TBC1D5: variants seen among roughly 807,000 people sequenced by gnomAD.
The protein encoded by TBC1D5 is TBC1 domain family member 5.
Under a neutral mutation model 100.3 loss-of-function variants are expected in TBC1D5, and 75 were observed. That is an observed-to-expected ratio of 0.75 (90% CI 0.62 to 0.91). TBC1D5 has a LOEUF of 0.91. Among genes scored for constraint, TBC1D5 ranks in the 40% least tolerant of loss-of-function variants. The probability of loss-of-function intolerance (pLI) is 0.00; values close to 1 mark genes in which losing one functional copy is unlikely to be tolerated. For missense variants in TBC1D5, 910 were observed against 942.4 expected, an observed-to-expected ratio of 0.97 and a Z score of 0.45; for synonymous variants, 323 against 325.6, an observed-to-expected ratio of 0.99 and a Z score of 0.09.
chr3:17,650,064 G>T (rs1461981365), intron 1 of TBC1D5, among the ~76,000 whole-genome samples: 2 of 151,898 alleles, frequency 1.3e-5, no homozygotes, highest in Non-Finnish European at 2.9e-5. Context: ...AATACCACAT[G>T]TTCTCACTCA....
intron 1 of TBC1D5, among the ~76,000 whole-genome samples, chr3:17,638,880 G>T (rs189325872): frequency 1.2e-4 from 19 of 152,108 alleles, no homozygotes; most frequent in Admixed American, 9.8e-4. Context: ...TACTGACAAG[G>T]ATGTAAAAAT....
intron 19 of TBC1D5, among the ~76,000 whole-genome samples, chr3:17,184,131 T>C (rs2068745083): frequency 6.6e-6 from 1 of 152,220 alleles, no homozygotes; most frequent in Admixed American, 6.5e-5. Flanking sequence ...ACTGAAGTGA[T>C]TCATACATGA....
chr3:17,721,032 G>A (rs143200124), intron 1 of TBC1D5, among the ~76,000 whole-genome samples: 2 of 151,910 alleles, frequency 1.3e-5, no homozygotes, highest in Admixed American at 1.3e-4. Flanking sequence ...GTAGAGACAG[G>A]GTTTTGCTAT....
chr3:17,739,345 T>G (rs1320426361), exon 1 of TBC1D5: 1 of 152,248 alleles, frequency 6.6e-6, no homozygotes, highest in African/African-American at 2.4e-5. Flanking sequence ...CAACTTACTT[T>G]TATTCCGGGG....
At chr3:17,395,409 A>G (rs2093474536) in intron 8 of TBC1D5, among the ~76,000 whole-genome samples, 1 of 152,134 alleles carries the variant, frequency 6.6e-6, no homozygotes, top group African/African-American at 2.4e-5. Context: ...TTTTTCAATA[A>G]TTAAGAAAAA....
chr3:17,331,565 A>G (rs1248934679), intron 13 of TBC1D5, among the ~76,000 whole-genome samples: 7 of 152,224 alleles, frequency 4.6e-5, no homozygotes, highest in African/African-American at 1.7e-4. Flanking sequence ...CCAAATGTTT[A>G]TTAAGAATGT....
At chr3:17,296,914 T>A (rs188720916) in intron 14 of TBC1D5, among the ~76,000 whole-genome samples, 41 of 152,360 alleles carry the variant, frequency 2.7e-4, no homozygotes, top group Admixed American at 2.5e-3. Context: ...CTGTTTGGGC[T>A]TGGAAAAAGA....
chr3:17,565,531 G>C (rs2096588122), intron 2 of TBC1D5, among the ~76,000 whole-genome samples: 1 of 152,008 alleles, frequency 6.6e-6, no homozygotes, highest in Non-Finnish European at 1.5e-5. Context: ...GAGCTGAAAA[G>C]AATCAACTGC....
chr3:17,375,242 G>A (rs1051987348), intron 10 of TBC1D5, among the ~76,000 whole-genome samples: 1 of 151,734 alleles, frequency 6.6e-6, no homozygotes, highest in African/African-American at 2.4e-5. Context: ...TTTTTAAAGA[G>A]CTGCTGTCTG....
At chr3:17,573,093 C>A (rs1200906461) in intron 2 of TBC1D5, among the ~76,000 whole-genome samples, 1 of 152,044 alleles carries the variant, frequency 6.6e-6, no homozygotes, top group Non-Finnish European at 1.5e-5. Flanking sequence ...TCAACCATCT[C>A]CTATCTTTAA....
intron 3 of TBC1D5, among the ~76,000 whole-genome samples, chr3:17,483,926 T>C (rs972337479): frequency 2.0e-5 from 3 of 152,180 alleles, no homozygotes; most frequent in African/African-American, 4.8e-5. Context: ...GTTCTTAAAA[T>C]TGGCTATTAA....
intron 1 of TBC1D5, among the ~76,000 whole-genome samples, chr3:17,625,194 G>A (rs2062952786): frequency 6.6e-6 from 1 of 151,898 alleles, no homozygotes; most frequent in South Asian, 2.1e-4. Context: ...CAGTCCAGCA[G>A]AAGTGTCTTA....
At chr3:17,230,301 GGT>G (rs1324508094) in intron 17 of TBC1D5, among the ~76,000 whole-genome samples, 2 of 152,050 alleles carry the variant, frequency 1.3e-5, no homozygotes, top group African/African-American at 4.8e-5. Context: ...TCTTCTTGAT[GGT>G]CCAGAGAGAA....
intron 17 of TBC1D5, among the ~76,000 whole-genome samples, 200 bp from the exon 18 acceptor site, chr3:17,233,950 G>C (rs906965255): frequency 1.3e-5 from 2 of 151,788 alleles, no homozygotes; most frequent in African/African-American, 2.4e-5. Flanking sequence ...GAAATGTTTT[G>C]TGTTTGTTTT....
At chr3:17,485,508 C>T (rs2095554172) in intron 3 of TBC1D5, among the ~76,000 whole-genome samples, 1 of 122,676 alleles carries the variant, frequency 8.2e-6, no homozygotes, top group African/African-American at 3.1e-5. Flanking sequence ...CACCCCACAA[C>T]AGTCCCCAGA....
chr3:17,674,286 G>C (rs981869018), intron 1 of TBC1D5, among the ~76,000 whole-genome samples: 2 of 152,106 alleles, frequency 1.3e-5, no homozygotes, highest in Non-Finnish European at 2.9e-5. Context: ...TTGCGAAATA[G>C]AAACAAGATG....
chr3:17,402,570 C>T (rs955958985), intron 8 of TBC1D5, among the ~76,000 whole-genome samples: 2 of 152,062 alleles, frequency 1.3e-5, no homozygotes, highest in African/African-American at 2.4e-5. Context: ...GTAATTTTCC[C>T]ACAATTACAG....
chr3:17,555,818 G>C (rs1054983537), intron 2 of TBC1D5, among the ~76,000 whole-genome samples: 1 of 152,098 alleles, frequency 6.6e-6, no homozygotes, highest in African/African-American at 2.4e-5. Context: ...TAATGTTAAT[G>C]CTGCTCAGTT....
intron 13 of TBC1D5, among the ~76,000 whole-genome samples, chr3:17,320,883 A>C (rs975829168): frequency 1.5e-4 from 23 of 152,324 alleles, no homozygotes; most frequent in African/African-American, 5.1e-4. Flanking sequence ...CTGTCTAATT[A>C]TGCAACAAAT....
Sources: allele counts gnomAD v4.1 joint callset (sites outside exome capture counted in the v4.1 genomes callset), GRCh38; gene constraint gnomAD v4.1.1; transcripts MANE v1.5; gene names NCBI Gene and HGNC (gene_info 2026-07-23, HGNC 2026-07-21).